The following EVC variants were observed in gnomAD, a reference collection of about 807,000 sequenced individuals.
EVC encodes the protein evC complex member EVC.
Under a neutral mutation model 118.9 loss-of-function variants are expected in EVC, and 116 were observed. That is an observed-to-expected ratio of 0.98 (90% CI 0.84 to 1.14). The LOEUF is 1.14. EVC is among the 50% of genes most tolerant of loss of function. EVC has a pLI of 0.00. For synonymous variants in EVC, 619 were observed against 534.7 expected (o/e 1.16, Z -2.18); for missense variants, 1,401 against 1,246.4 (o/e 1.12, Z -1.87).
chr4:5,724,061 A>G (rs1725408589), intron 2 of EVC, among the ~76,000 whole-genome samples: 1 of 152,244 alleles, frequency 6.6e-6, no homozygotes, highest in Non-Finnish European at 1.5e-5. Flanking sequence ...ATGAATTGGA[A>G]GGTGTTAACC....
At chr4:5,824,536 C>T in the EVC span, 102 of 984,390 alleles carry the variant, frequency 1.0e-4, no homozygotes, top group Non-Finnish European at 1.2e-4. Context: ...CTAAGCATAT[C>T]GCCTTTCCTG....
chr4:5,823,450 G>A, the EVC span, among the ~76,000 whole-genome samples: 1 of 152,178 alleles, frequency 6.6e-6, no homozygotes, highest in African/African-American at 2.4e-5. Flanking sequence ...CTGGAAAAAA[G>A]GACACTAATA....
rs202026284 is a variant in EVC at position 5,733,358 on chromosome 4, G to A, written c.625G>A (p.Val209Ile). The A allele has an allele frequency of 2.5e-5, 41 of 1,613,574 alleles. No homozygotes were observed. The highest frequency in any genetic ancestry group is 1.7e-4 in the Admixed American group (10 of 60,000). Residue 209 changes from valine (V) to isoleucine (I), a missense_variant, in exon 5 of 21, where the codon GTT (valine) becomes ATT (isoleucine). Transcript: ENST00000264956. ...TCTCATTTTATTTTGCAGTGTAGAC[G>A]TTGACCTGTGTATCTACAGCCTTCA... Reference protein sequence around the residue: ...PEVLACESVDVDLCIYSLHLK... With the variant: ...PEVLACESVDIDLCIYSLHLK...
intron 7 of EVC, among the ~76,000 whole-genome samples, chr4:5,747,860 A>G (rs752861926): frequency 6.6e-5 from 10 of 152,186 alleles, no homozygotes; most frequent in Non-Finnish European, 1.3e-4. Flanking sequence ...TGACCTGTGC[A>G]AGAGTCTGTA....
In EVC at chr4:5,756,728, G is replaced by C. The variant is rs1731233865; in HGVS notation, c.1563+366G>C. 6.6e-6 allele frequency among the ~76,000 whole-genome samples: 1 copy of C among 152,198 alleles called. No homozygotes were observed. The highest frequency in any genetic ancestry group is 2.4e-5 in the African/African-American group (1 of 41,456). ...TGAAGAAGGGGTTCTGGGCTGAAAT[G>C]GGGACGTCAGAGATCACATGCCACA... On this transcript the variant is annotated intron_variant, in intron 11 of 20. Transcript: ENST00000264956. The surrounding 1 kb of genome is among the most constrained non-coding windows in gnomAD (Gnocchi z 4.2).
At position 5,808,256 on chromosome 4, in the gene EVC, C is replaced by T. The variant is rs762346358; in HGVS notation, c.2617C>T (p.Arg873Cys). The part of the protein sequence containing the change: ...LAQFPVHQQM[R>C]LHAQQQQAGV... The stretch of plus-strand genomic sequence containing the variant: ...CCAGTTCCCAGTGCACCAGCAGATG[C>T]GTCTGCACGCCCAGCAGCAGCAGGC... The change falls in exon 18 of 21, where the codon CGT becomes TGT. Residue 873 changes from arginine to cysteine, a missense_variant. Physicochemically the swap from Arg to Cys is radical, Grantham distance 180. Coordinates refer to ENST00000264956, the MANE Select transcript of EVC (RefSeq NM_153717.3). 2.5e-6 allele frequency: 4 copies of T among 1,610,954 alleles called. No homozygotes were observed. The highest frequency in any genetic ancestry group is 1.7e-4 in the Middle Eastern group (1 of 6,054).
intron 11 of EVC, among the ~76,000 whole-genome samples, chr4:5,783,004 G>C (rs1467400733): frequency 6.6e-6 from 1 of 152,126 alleles, no homozygotes; most frequent in Non-Finnish European, 1.5e-5. Flanking sequence ...GTGAAGGTTG[G>C]CGAGGAGAGC....
At chr4:5,788,006 C>T (rs1298793945) in intron 12 of EVC, among the ~76,000 whole-genome samples, 1 of 152,168 alleles carries the variant, frequency 6.6e-6, no homozygotes, top group Non-Finnish European at 1.5e-5. Context: ...ACTTCTTTCT[C>T]CTTCTCAGTC....
intron 11 of EVC, among the ~76,000 whole-genome samples, chr4:5,770,474 G>C (rs1369743925): frequency 1.3e-5 from 2 of 152,158 alleles, no homozygotes; most frequent in Non-Finnish European, 2.9e-5. Context: ...GCATGGCACT[G>C]GAAGTCTAAA....
rs79924855 is a variant in EVC at position 5,737,593 on chromosome 4, G to T, written c.703-4123G>T. Among the ~76,000 whole-genome samples the T allele has an allele frequency of 2.0e-5, 3 of 152,116 alleles. No homozygotes were observed. The highest frequency in any genetic ancestry group is 1.9e-4 in the East Asian group (1 of 5,184). ...GAAGCCAGTGCTCATGCACCACTCC[G>T]AAAGTCCTAGGGCCCTTAAGGGTGA... On this transcript the variant is annotated intron_variant, in intron 5 of 20. Coordinates refer to ENST00000264956, the MANE Select transcript of EVC (RefSeq NM_153717.3). This position sits in a 1 kb window ranked among gnomAD's most constrained non-coding sequence, Gnocchi z 5.0.
intron 11 of EVC, among the ~76,000 whole-genome samples, chr4:5,766,033 G>A (rs1427427644): frequency 1.0e-4 from 14 of 133,446 alleles, no homozygotes; most frequent in African/African-American, 2.0e-4. Flanking sequence ...ATTTTGCAGC[G>A]GCTTGTACCG....
chr4:5,748,156 T>A lies in EVC; in HGVS notation c.948T>A (p.Ala316=). The A allele has an allele frequency of 1.9e-6, 3 of 1,614,236 alleles. No homozygotes were observed. Among genetic ancestry groups the A allele is most frequent in the Non-Finnish European group, 2.5e-6 (3 of 1,180,038 alleles). The change falls in exon 8 of 21, where the codon GCT becomes GCA. Residue 316 remains alanine (A), a synonymous_variant. Coordinates refer to ENST00000264956, the MANE Select transcript of EVC (RefSeq NM_153717.3). ...TTGTGCTCATTTCACAGATGGAAGCTTTCTGGAAACAGATGGCAAATATCC... is the reference window on the plus strand; with the variant it reads ...TTGTGCTCATTTCACAGATGGAAGCATTCTGGAAACAGATGGCAAATATCC... ...YSEQLIDNME[A]FWKQMANIQH...
At chr4:5,713,909 T>C (rs1304805870) in intron 1 of EVC, among the ~76,000 whole-genome samples, 1 of 150,702 alleles carries the variant, frequency 6.6e-6, no homozygotes, top group African/African-American at 2.5e-5. Flanking sequence ...ATCTAAAAAA[T>C]AAATAAATAA....
chr4:5,775,139 C>G (rs771378542), intron 11 of EVC, among the ~76,000 whole-genome samples: 2 of 152,046 alleles, frequency 1.3e-5, no homozygotes, highest in Non-Finnish European at 2.9e-5. Context: ...ATAGGAGAGT[C>G]CAAGAATGAC....
chr4:5,745,994 G>C (rs1729307970), intron 7 of EVC, among the ~76,000 whole-genome samples: 1 of 152,168 alleles, frequency 6.6e-6, no homozygotes, highest in African/African-American at 2.4e-5. Flanking sequence ...TTTTACCCCA[G>C]GCTTAGGAAA....
At chr4:5,715,905 A>T (rs544603970) in intron 1 of EVC, among the ~76,000 whole-genome samples, 91 of 152,082 alleles carry the variant, frequency 6.0e-4, no homozygotes, top group African/African-American at 2.0e-3. Context: ...CACCATGCCC[A>T]GCTAATTTTT....
chr4:5,749,850 A>G lies in EVC; in HGVS notation c.1098+1544A>G, dbSNP rs1730078818. Among the ~76,000 whole-genome samples, 1 of 152,034 alleles carries G rather than the reference A, an allele frequency of 6.6e-6. No individual in the cohort carries two copies. The highest frequency in any genetic ancestry group is 1.5e-5 in the Non-Finnish European group (1 of 68,004). On this transcript the variant is annotated intron_variant, in intron 8 of 20. Coordinates refer to ENST00000264956, the MANE Select transcript of EVC (RefSeq NM_153717.3). The surrounding 1 kb of genome is among the most constrained non-coding windows in gnomAD (Gnocchi z 4.4). ...TCAACGGATCTTTGCCTCCCCTTGC[A>G]CACCACATGCCTCTCCCAATCCGCT...
At chr4:5,796,553 G>A (rs1327374449) in intron 13 of EVC, among the ~76,000 whole-genome samples, 1 of 151,974 alleles carries the variant, frequency 6.6e-6, no homozygotes, top group African/African-American at 2.4e-5. Flanking sequence ...AAAGCCTGGA[G>A]CGTTTGCCAG....
intron 8 of EVC, among the ~76,000 whole-genome samples, chr4:5,748,691 TCCATCCACCCGTCCAC>T (rs2152051737): frequency 1.1e-5 from 1 of 92,380 alleles, no homozygotes; most frequent in Admixed American, 1.0e-4. Flanking sequence ...CACCCACCCA[TCCATCCACCCGTCCAC>T]CCATCCACCC....
Sources: gnomAD v4.1 joint callset for allele counts (sites outside exome capture counted in the v4.1 genomes callset) on GRCh38, gnomAD v4.1.1 for gene constraint, Gnocchi (gnomAD v3.1) non-coding constraint, MANE v1.5 for transcripts, NCBI Gene and HGNC (gene_info 2026-07-23, HGNC 2026-07-21) for gene names.